Variants in RYR3 observed in about 807,000 individuals in gnomAD.
RYR3 encodes the protein ryanodine receptor 3.
A neutral mutation model predicts 584.3 loss-of-function variants in RYR3; 207 were observed. The observed-to-expected ratio is 0.35, with a 90% CI of 0.32 to 0.40. The LOEUF (loss-of-function observed/expected upper bound fraction) is 0.40, where lower values mean the gene tolerates loss of function less well. Ranked by LOEUF, RYR3 falls within the 10% of genes least tolerant of loss-of-function variation. RYR3 has a pLI of 1.00. For synonymous variants in RYR3, 2,416 were observed against 2,248.5 expected (o/e 1.07, Z -2.11); for missense variants, 5,616 against 6,089.2 (o/e 0.92, Z 2.59).
intron 1 of RYR3, among the ~76,000 whole-genome samples, chr15:33,448,349 C>T (rs1262555149): frequency 1.3e-5 from 2 of 152,172 alleles, no homozygotes; most frequent in East Asian, 1.9e-4. Context: ...TACCTTTTGC[C>T]CTGAGGCTAC....
chr15:33,829,598 A>G (rs1230685011), intron 85 of RYR3, among the ~76,000 whole-genome samples: 1 of 151,892 alleles, frequency 6.6e-6, no homozygotes, highest in Non-Finnish European at 1.5e-5. Flanking sequence ...AATACAAAAA[A>G]AAAAATTAGC....
intron 7 of RYR3, among the ~76,000 whole-genome samples, chr15:33,542,883 A>G (rs906695452): frequency 5.3e-5 from 8 of 152,134 alleles, no homozygotes; most frequent in Admixed American, 1.3e-4. Flanking sequence ...CTCTCCTGCT[A>G]CTATGTTCTT....
intron 38 of RYR3, among the ~76,000 whole-genome samples, chr15:33,695,798 T>G (rs1010366814): frequency 1.3e-5 from 2 of 151,924 alleles, no homozygotes; most frequent in African/African-American, 4.8e-5. Context: ...AAAAATTTTT[T>G]TTTTTGAGAC....
chr15:33,607,817 CACAA>C (rs1489225745), intron 18 of RYR3, among the ~76,000 whole-genome samples: 1 of 152,134 alleles, frequency 6.6e-6, no homozygotes. Context: ...TTGAAAAAAA[CACAA>C]ACAAATAGCA....
intron 1 of RYR3, among the ~76,000 whole-genome samples, chr15:33,413,898 GCT>G: frequency 6.6e-6 from 1 of 152,280 alleles, no homozygotes; most frequent in Non-Finnish European, 1.5e-5. Flanking sequence ...ATTTGAAAAA[GCT>G]CTTAGTGGCT....
At position 33,465,376 on chromosome 15, in the gene RYR3, C is replaced by T. The variant is rs539220347; in HGVS notation, c.52-8043C>T. On this transcript the variant is annotated intron_variant, in intron 1 of 103. Coordinates refer to ENST00000634891, the MANE Select transcript of RYR3 (RefSeq NM_001036.6). Reference sequence around the variant, plus strand: ...TTTGAAAACCCACCTTGCTGTTTTCCGTAACTTCTGTACCAATTTCCAGTC... The same window carrying T: ...TTTGAAAACCCACCTTGCTGTTTTCTGTAACTTCTGTACCAATTTCCAGTC... Among the ~76,000 whole-genome samples the T allele has an allele frequency of 9.2e-5, 14 of 152,014 alleles. No individual in the cohort carries two copies. In the South Asian group the frequency reaches 2.1e-3, roughly 23 times the overall value.
chr15:33,789,401 A>G (rs1324840011), intron 67 of RYR3, among the ~76,000 whole-genome samples: 1 of 150,838 alleles, frequency 6.6e-6, no homozygotes, highest in African/African-American at 2.4e-5. Context: ...TCCAGGCAAG[A>G]GTGGAATGTG....
chr15:33,348,039 A>G (rs974459394), intron 1 of RYR3, among the ~76,000 whole-genome samples: 3 of 152,024 alleles, frequency 2.0e-5, no homozygotes, highest in African/African-American at 7.3e-5. Context: ...AAACATTCCT[A>G]TATGTAACAA....
intron 36 of RYR3, among the ~76,000 whole-genome samples, chr15:33,664,057 A>G (rs1216955588): frequency 6.6e-6 from 1 of 152,174 alleles, no homozygotes; most frequent in African/African-American, 2.4e-5. Flanking sequence ...GCAAGGATAC[A>G]CCACTCAGAA....
At chr15:33,774,312 T>C (rs1033353102) in intron 64 of RYR3, among the ~76,000 whole-genome samples, 1 of 152,226 alleles carries the variant, frequency 6.6e-6, no homozygotes, top group African/African-American at 2.4e-5. Context: ...CTTACTCTTA[T>C]CCTTGGAAGA....
chr15:33,581,780 A>G (rs2058606787), intron 14 of RYR3, 137 bp downstream of exon 14: 1 of 743,366 alleles, frequency 1.3e-6, no homozygotes, highest in Non-Finnish European at 2.2e-6. Flanking sequence ...TTTGTTAACC[A>G]TTCAATTTTA....
intron 12 of RYR3, among the ~76,000 whole-genome samples, chr15:33,574,831 T>C (rs1350470609): frequency 6.6e-6 from 1 of 152,140 alleles, no homozygotes; most frequent in South Asian, 2.1e-4. Context: ...AGACACAGAA[T>C]GGCAAGCTGG....
intron 52 of RYR3, 119 bp downstream of exon 52, chr15:33,742,563 GCATT>G (rs2070259025): frequency 4.3e-6 from 3 of 703,640 alleles, no homozygotes; most frequent in Non-Finnish European, 5.0e-6. Context: ...CATGCCGAGA[GCATT>G]CATTATTTCT....
chr15:33,733,512 G>A (rs764569082), intron 48 of RYR3, among the ~76,000 whole-genome samples: 1 of 152,204 alleles, frequency 6.6e-6, no homozygotes, highest in Non-Finnish European at 1.5e-5. Context: ...GCTACATGCT[G>A]TATGATTCCA....
intron 38 of RYR3, among the ~76,000 whole-genome samples, 191 bp downstream of exon 38, chr15:33,670,747 A>C (rs537700542): frequency 6.6e-6 from 1 of 152,164 alleles, no homozygotes; most frequent in Admixed American, 6.5e-5. Context: ...GAAGAAACTT[A>C]CTTTCATACT....
intron 57 of RYR3, among the ~76,000 whole-genome samples, chr15:33,753,260 C>T (rs1176586561): frequency 6.6e-6 from 1 of 152,158 alleles, no homozygotes. Flanking sequence ...TATTAAATTA[C>T]ATAGTAATAA....
chr15:33,860,575 C>G lies in RYR3; in HGVS notation c.14300-20C>G, dbSNP rs751731168. On this transcript the variant is annotated intron_variant, in intron 100 of 103. Coordinates refer to ENST00000634891, the MANE Select transcript of RYR3 (RefSeq NM_001036.6). ...TGAACCACTACACAGATTGCTTTGT[C>G]TTTGTATTTAACATTCCAGGTCTTA... 2 of 1,520,958 alleles carry G rather than the reference C, an allele frequency of 1.3e-6. No individual in the cohort carries two copies. The highest frequency in any genetic ancestry group is 1.8e-6 in the Non-Finnish European group (2 of 1,114,978). The allele number at this position is 1,520,958 out of a possible 1,614,324, so 94.2% of individuals were successfully genotyped here.
At chr15:33,393,719 C>T (rs777090722) in intron 1 of RYR3, among the ~76,000 whole-genome samples, 8 of 152,178 alleles carry the variant, frequency 5.3e-5, no homozygotes, top group African/African-American at 9.7e-5. Flanking sequence ...CTCAGAGCCG[C>T]TATTGGATGC....
intron 38 of RYR3, among the ~76,000 whole-genome samples, chr15:33,681,927 G>A (rs995301435): frequency 3.3e-5 from 5 of 152,250 alleles, no homozygotes; most frequent in Admixed American, 2.6e-4. Context: ...TCCACTCTTC[G>A]ATCATAATGT....
Sources: gnomAD v4.1 joint callset for allele counts (sites outside exome capture counted in the v4.1 genomes callset) on GRCh38, gnomAD v4.1.1 for gene constraint, MANE v1.5 for transcripts, NCBI Gene and HGNC (gene_info 2026-07-23, HGNC 2026-07-21) for gene names.